The following STXBP5L variants were observed in gnomAD, a reference collection of about 807,000 sequenced individuals.
STXBP5L encodes syntaxin binding protein 5L, also known as syntaxin-binding protein 5-like.
In STXBP5L, 65 loss-of-function variants were observed where a neutral mutation model predicts 144.5. The observed-to-expected ratio is 0.45, with a 90% confidence interval of 0.37 to 0.55. STXBP5L has a LOEUF of 0.55. Among genes scored for constraint, STXBP5L ranks in the 20% least tolerant of loss-of-function variants. The pLI is 0.00. For missense variants in STXBP5L, 1,298 were observed against 1,405.5 expected, an observed-to-expected ratio of 0.92 and a Z score of 1.22; for synonymous variants, 505 against 469.6, an observed-to-expected ratio of 1.08 and a Z score of -0.97.
intron 3 of STXBP5L, among the ~76,000 whole-genome samples, chr3:121,003,675 T>C (rs1239643962): frequency 1.3e-5 from 2 of 152,256 alleles, no homozygotes; most frequent in African/African-American, 4.8e-5. Context: ...CTAGGGTTTT[T>C]ATGGTTTCAG....
chr3:121,159,359 G>T (rs886235958), intron 9 of STXBP5L, among the ~76,000 whole-genome samples: 2 of 151,588 alleles, frequency 1.3e-5, no homozygotes, highest in South Asian at 2.1e-4. Context: ...ATAAAAGATG[G>T]GTCTTACTAT....
intron 7 of STXBP5L, among the ~76,000 whole-genome samples, chr3:121,149,354 C>T (rs892593658): frequency 6.6e-6 from 1 of 151,880 alleles, no homozygotes; most frequent in Admixed American, 6.6e-5. Flanking sequence ...TGCCCTCTCC[C>T]TCCCTCCCCA....
chr3:120,954,275 TTA>T (rs778193768), intron 2 of STXBP5L, among the ~76,000 whole-genome samples: 13 of 152,164 alleles, frequency 8.5e-5, no homozygotes, highest in Non-Finnish European at 1.5e-5. Flanking sequence ...TTGTACCATT[TTA>T]TGAGTTTTAA....
intron 3 of STXBP5L, among the ~76,000 whole-genome samples, chr3:121,005,549 C>T (rs1055970626): frequency 6.6e-6 from 1 of 152,130 alleles, no homozygotes; most frequent in African/African-American, 2.4e-5. Flanking sequence ...GTCTCTATTT[C>T]CTTCAGTTCT....
intron 7 of STXBP5L, 124 bp from the exon 8 acceptor site, chr3:121,152,352 AG>A (rs2045961793): frequency 1.4e-6 from 1 of 691,372 alleles, no homozygotes; most frequent in African/African-American, 1.9e-5. Flanking sequence ...TTCAAGTTCT[AG>A]AAAAATTTAT....
chr3:121,052,032 G>A (rs1351684344), intron 5 of STXBP5L, among the ~76,000 whole-genome samples: 5 of 152,074 alleles, frequency 3.3e-5, no homozygotes, highest in African/African-American at 2.4e-5. Context: ...CTAAACCAGG[G>A]AGACGTTGAA....
chr3:121,015,180 A>G (rs1404191503), intron 3 of STXBP5L, among the ~76,000 whole-genome samples: 1 of 152,144 alleles, frequency 6.6e-6, no homozygotes, highest in East Asian at 1.9e-4. Context: ...AAGGTGATTT[A>G]AAACTCTTTA....
At chr3:121,181,420 A>G (rs2047147835) in intron 9 of STXBP5L, among the ~76,000 whole-genome samples, 1 of 152,252 alleles carries the variant, frequency 6.6e-6, no homozygotes, top group Non-Finnish European at 1.5e-5. Flanking sequence ...TAAAAGATAC[A>G]AAATGGCAGA....
chr3:121,008,826 G>T (rs72966802), intron 3 of STXBP5L, among the ~76,000 whole-genome samples: 1 of 151,882 alleles, frequency 6.6e-6, no homozygotes, highest in Non-Finnish European at 1.5e-5. Context: ...CTGAGATAGT[G>T]GTCCAGCACA....
chr3:121,050,777 GAC>G (rs1379530017), intron 5 of STXBP5L, among the ~76,000 whole-genome samples: 3 of 152,104 alleles, frequency 2.0e-5, no homozygotes, highest in African/African-American at 7.2e-5. Context: ...CCAATTAAAA[GAC>G]ACAGACTGGC....
intron 6 of STXBP5L, among the ~76,000 whole-genome samples, chr3:121,119,727 C>T (rs1242360214): frequency 6.6e-6 from 1 of 151,116 alleles, no homozygotes; most frequent in African/African-American, 2.4e-5. Context: ...AGGGAACAAG[C>T]CAGAAGAAAT....
At chr3:121,112,336 A>G (rs1213219568) in intron 5 of STXBP5L, among the ~76,000 whole-genome samples, 7 of 152,062 alleles carry the variant, frequency 4.6e-5, no homozygotes, top group Admixed American at 3.9e-4. Context: ...TGGAAAAAGC[A>G]TGGTTTTCCT....
At chr3:121,162,554 G>A (rs1167216726) in intron 9 of STXBP5L, among the ~76,000 whole-genome samples, 4 of 152,096 alleles carry the variant, frequency 2.6e-5, no homozygotes, top group Non-Finnish European at 5.9e-5. Context: ...GGCAACAAAA[G>A]GCAAAATTGA....
At chr3:120,983,683 A>G (rs776763549) in intron 3 of STXBP5L, among the ~76,000 whole-genome samples, 1 of 152,110 alleles carries the variant, frequency 6.6e-6, no homozygotes, top group Non-Finnish European at 1.5e-5. Flanking sequence ...AATCTATTAT[A>G]GGAGTGTGGA....
intron 4 of STXBP5L, among the ~76,000 whole-genome samples, chr3:121,044,249 T>TA: frequency 6.6e-6 from 1 of 152,294 alleles, no homozygotes; most frequent in African/African-American, 2.4e-5. Context: ...ATTATGTTTC[T>TA]ATTTTTATAA....
chr3:121,346,214 G>C (rs1258958412), intron 20 of STXBP5L, among the ~76,000 whole-genome samples: 2 of 147,694 alleles, frequency 1.4e-5, no homozygotes, highest in East Asian at 2.1e-4. Flanking sequence ...TTTGATTTTT[G>C]TCCTTGCAAT....
intron 5 of STXBP5L, among the ~76,000 whole-genome samples, chr3:121,049,919 G>A (rs919837735): frequency 6.6e-6 from 1 of 152,120 alleles, no homozygotes; most frequent in Admixed American, 6.6e-5. Flanking sequence ...TGGTTGCAGG[G>A]ATCATGAGAA....
At chr3:121,031,382 A>G (rs1225493550) in intron 3 of STXBP5L, among the ~76,000 whole-genome samples, 1 of 136,874 alleles carries the variant, frequency 7.3e-6, no homozygotes, top group East Asian at 2.0e-4. Flanking sequence ...ATGTGTATAT[A>G]TTTCTATTTC....
At chr3:120,952,004 A>G (rs1037632941) in intron 2 of STXBP5L, among the ~76,000 whole-genome samples, 5 of 151,836 alleles carry the variant, frequency 3.3e-5, no homozygotes, top group Non-Finnish European at 7.4e-5. Flanking sequence ...TGTCCTTTGT[A>G]GGGACATGGA....
Sources: gnomAD v4.1 joint callset for allele counts (sites outside exome capture counted in the v4.1 genomes callset) on GRCh38, gnomAD v4.1.1 for gene constraint, MANE v1.5 for transcripts, NCBI Gene and HGNC (gene_info 2026-07-23, HGNC 2026-07-21) for gene names.